The following RUNDC1 variants were observed in gnomAD, a reference collection of about 807,000 sequenced individuals.
RUNDC1 encodes the protein RUN domain-containing protein 1.
In RUNDC1, 31 loss-of-function variants were observed where a neutral mutation model predicts 49.3. That is an observed-to-expected ratio of 0.63 (90% CI 0.47 to 0.85). The LOEUF (loss-of-function observed/expected upper bound fraction) is 0.85, where lower values mean the gene tolerates loss of function less well. Among genes scored for constraint, RUNDC1 ranks in the 40% least tolerant of loss-of-function variants. The pLI, the probability that RUNDC1 is intolerant of heterozygous loss-of-function variation, is 0.00. For missense variants in RUNDC1, 715 were observed against 806.7 expected, an observed-to-expected ratio of 0.89 and a Z score of 1.38; for synonymous variants, 347 against 348.6, an observed-to-expected ratio of 1.00 and a Z score of 0.05.
In RUNDC1 at chr17:42,992,867, T is replaced by C. The variant is rs1459868535; in HGVS notation, c.*1151T>C. The C allele has an allele frequency of 1.3e-5, 2 of 152,208 alleles. No individual in the cohort carries two copies. 9.4% of individuals were successfully genotyped at this position (152,208 alleles called of 1,614,324 possible). On this transcript the variant is annotated 3_prime_UTR_variant, in exon 5 of 5. Coordinates refer to ENST00000361677, the MANE Select transcript of RUNDC1 (RefSeq NM_173079.5). ...TAAAATCTTCCTGACAAGGTAGTCC[T>C]CTTTTCATGGCACAGACAATGGGCT...
chr17:42,989,823 T>A (rs1335828898), intron 3 of RUNDC1, among the ~76,000 whole-genome samples: 1 of 151,890 alleles, frequency 6.6e-6, no homozygotes, highest in Non-Finnish European at 1.5e-5. Context: ...TTAGTAGAGA[T>A]GGTGTTTCAG....
intron 1 of RUNDC1, among the ~76,000 whole-genome samples, chr17:42,982,908 AC>A: frequency 6.6e-6 from 1 of 151,578 alleles, no homozygotes; most frequent in East Asian, 1.9e-4. Context: ...AATCGCTTGA[AC>A]CTGGGAGGCA....
At position 42,993,234 on chromosome 17, in the gene RUNDC1, A is replaced by G. The variant is rs1339335948; in HGVS notation, c.*1518A>G. The G allele has an allele frequency of 2.6e-5, 4 of 152,170 alleles. No homozygotes were observed. The highest frequency in any genetic ancestry group is 4.4e-5 in the Non-Finnish European group (3 of 68,052). The allele number at this position is 152,170 out of a possible 1,614,324, so 9.4% of individuals were successfully genotyped here. A position where few individuals can be genotyped will look rare whatever the true frequency, so the allele number is the denominator to read the frequency against. On this transcript the variant is annotated 3_prime_UTR_variant, in exon 5 of 5. Coordinates refer to ENST00000361677, the MANE Select transcript of RUNDC1 (RefSeq NM_173079.5). Reference sequence around the variant, plus strand: ...ACGGGGAGGAGTATCTCATTGTGAAACAGACTCTAGAGTGGTTCTATTTGG... The same window carrying G: ...ACGGGGAGGAGTATCTCATTGTGAAGCAGACTCTAGAGTGGTTCTATTTGG...
At chr17:42,987,043 CAGAT>C (rs2050180835) in intron 1 of RUNDC1, among the ~76,000 whole-genome samples, 1 of 152,238 alleles carries the variant, frequency 6.6e-6, no homozygotes, top group Non-Finnish European at 1.5e-5. Flanking sequence ...CAATGAGGGA[CAGAT>C]AGTTTCTTAA....
At chr17:42,985,815 C>A (rs1010715646) in intron 1 of RUNDC1, among the ~76,000 whole-genome samples, 1 of 152,074 alleles carries the variant, frequency 6.6e-6, no homozygotes, top group Non-Finnish European at 1.5e-5. Flanking sequence ...CAAGACTTTA[C>A]CACCCTGAAG....
chr17:42,986,707 T>C (rs1009823263), intron 1 of RUNDC1, among the ~76,000 whole-genome samples: 1 of 151,904 alleles, frequency 6.6e-6, no homozygotes, highest in Non-Finnish European at 1.5e-5. Context: ...TTTACTGTGT[T>C]AGCCAGGATG....
Position 42,993,781 on chromosome 17 carries a change from C to T in RUNDC1, c.*2065C>T, listed in dbSNP as rs866717888. ...CTGAAAAAATTCACTAAAAAGTCCC[C>T]TTGGCATGACCATCTCCTCCTGCCC... is the stretch of plus-strand genomic sequence containing the variant. On this transcript the variant is annotated 3_prime_UTR_variant, in exon 5 of 5. Coordinates refer to ENST00000361677, the MANE Select transcript of RUNDC1 (RefSeq NM_173079.5). 2.0e-5 allele frequency: 3 copies of T among 152,180 alleles called. No homozygotes were observed. The highest frequency in any genetic ancestry group is 7.2e-5 in the African/African-American group (3 of 41,436). 9.4% of individuals were successfully genotyped at this position (152,180 alleles called of 1,614,324 possible).
chr17:42,987,493 C>A, intron 2 of RUNDC1, 79 bp downstream of exon 2: 1 of 1,378,602 alleles, frequency 7.3e-7, no homozygotes, highest in Non-Finnish European at 1.0e-6. Flanking sequence ...CATCCTCTCT[C>A]AGCTCAGTTC....
In RUNDC1 at chr17:42,981,048, C is replaced by T. The variant is rs748202071; in HGVS notation, c.472C>T (p.Arg158Trp). 1.3e-6 allele frequency: 2 copies of T among 1,559,776 alleles called. No individual in the cohort carries two copies. Among genetic ancestry groups the T allele is most frequent in the Non-Finnish European group, 1.7e-6 (2 of 1,160,440 alleles). Residue 158 changes from arginine to tryptophan, a missense_variant, in exon 1 of 5, where the codon CGG (arginine) becomes TGG (tryptophan). Physicochemically the swap from Arg to Trp is moderately radical, Grantham distance 101. Transcript: ENST00000361677. The part of the protein sequence containing the change: ...SDEGDGLPGD[R>W]PWLRGEDQSE... ...TGAGGGCGATGGGCTGCCAGGGGACCGGCCATGGTTGCGGGGCGAGGACCA... is the reference window on the plus strand; with the variant it reads ...TGAGGGCGATGGGCTGCCAGGGGACTGGCCATGGTTGCGGGGCGAGGACCA...
At chr17:42,986,303 G>A (rs2050170803) in intron 1 of RUNDC1, among the ~76,000 whole-genome samples, 1 of 152,038 alleles carries the variant, frequency 6.6e-6, no homozygotes, top group Admixed American at 6.6e-5. Flanking sequence ...TTTTTGTGGA[G>A]ATGAAGTCTC....
Position 42,980,945 on chromosome 17 carries a change from G to C in RUNDC1, c.369G>C (p.Leu123=). 6.5e-7 allele frequency: 1 copy of C among 1,540,344 alleles called. No homozygotes were observed. The stretch of plus-strand genomic sequence containing the variant: ...CGCCGGCGGAGCAGCAGCGCCTTCT[G>C]CGGGAGCTCGAAGACTTCGCCTTCC... ...RGAPAEQQRL[L]RELEDFAFRG... The change falls in exon 1 of 5, where the codon CTG becomes CTC. Residue 123 remains leucine (L), a synonymous_variant. Transcript: ENST00000361677.
At chr17:42,990,513 T>G in intron 4 of RUNDC1, 77 bp downstream of exon 4, 1 of 1,450,232 alleles carries the variant, frequency 6.9e-7, no homozygotes, top group East Asian at 2.3e-5. Context: ...TTGGGTGTGT[T>G]GAGGAGAAGA....
intron 2 of RUNDC1, among the ~76,000 whole-genome samples, chr17:42,988,781 C>A (rs1958808847): frequency 6.6e-6 from 1 of 151,860 alleles, no homozygotes; most frequent in African/African-American, 2.4e-5. Context: ...AAGTTTGAGG[C>A]CAGCCTGAGC....
In RUNDC1 at chr17:42,991,340, T is replaced by C. The variant is rs768225556; in HGVS notation, c.1466T>C (p.Val489Ala). The change falls in exon 5 of 5, where the codon GTG becomes GCG. Residue 489 changes from valine (V) to alanine (A), a missense_variant. Around this residue, in one of 5 missense-constraint regions of RUNDC1, gnomAD observed 425 missense variants for 499.7 expected, o/e 0.85. Coordinates refer to ENST00000361677, the MANE Select transcript of RUNDC1 (RefSeq NM_173079.5). ...CATGCTAAGAACGGCCGTGCTTATG[T>C]GGAATCCCCAGCCCGGAAGCTCTCC... The part of the protein sequence containing the change: ...YYHAKNGRAY[V>A]ESPARKLSQS... 6.2e-7 allele frequency: 1 copy of C among 1,614,246 alleles called. No homozygotes were observed. The highest frequency in any genetic ancestry group is 8.5e-7 in the Non-Finnish European group (1 of 1,180,056).
At position 42,993,193 on chromosome 17, in the gene RUNDC1, G is replaced by C. The variant is rs377760386; in HGVS notation, c.*1477G>C. On this transcript the variant is annotated 3_prime_UTR_variant, in exon 5 of 5. Coordinates refer to ENST00000361677, the MANE Select transcript of RUNDC1 (RefSeq NM_173079.5). ...CCACAGGAGGATAGGAACTACAGCA[G>C]ATCGCTGTTTCCAGAACGGGGAGGA... 12 of 152,198 alleles carry C rather than the reference G, an allele frequency of 7.9e-5. No homozygotes were observed. The highest frequency in any genetic ancestry group is 2.9e-4 in the African/African-American group (12 of 41,446). 9.4% of individuals were successfully genotyped at this position (152,198 alleles called of 1,614,324 possible).
chr17:42,986,582 C>T (rs1390729356), intron 1 of RUNDC1, among the ~76,000 whole-genome samples: 1 of 151,946 alleles, frequency 6.6e-6, no homozygotes. Flanking sequence ...ACTGCAAGCT[C>T]CGCCTCCCGG....
chr17:42,989,364 G>T lies in RUNDC1; in HGVS notation c.681G>T (p.Lys227Asn), dbSNP rs1375318685. 42 of 1,613,954 alleles carry T rather than the reference G, an allele frequency of 2.6e-5. No individual in the cohort carries two copies. The highest frequency in any genetic ancestry group is 3.2e-5 in the Non-Finnish European group (38 of 1,179,992). Residue 227 changes from lysine to asparagine, a missense_variant, in exon 3 of 5, where the codon AAG becomes AAT. Coordinates refer to ENST00000361677, the MANE Select transcript of RUNDC1 (RefSeq NM_173079.5). Reference protein sequence around the residue: ...RQRVIIDELIKKLDMNLNEDI... With the variant: ...RQRVIIDELINKLDMNLNEDI... ...AGGTGATCATAGATGAGTTAATAAA[G>T]AAACTGGACATGAATCTGAATGAGG...
At chr17:42,989,318 C>G in intron 2 of RUNDC1, 23 bp from the exon 3 acceptor site, 1 of 1,594,938 alleles carries the variant, frequency 6.3e-7, no homozygotes. Flanking sequence ...AAAGGGTGTG[C>G]TCATTGCTTG....
intron 1 of RUNDC1, chr17:42,981,442 AC>A (rs550230302): frequency 1.3e-3 from 301 of 227,882 alleles, no homozygotes; most frequent in Non-Finnish European, 1.1e-3. Context: ...CTGCTAGAGG[AC>A]CCCGACTCTG....
Sources: allele counts gnomAD v4.1 joint callset (sites outside exome capture counted in the v4.1 genomes callset), GRCh38; gene constraint gnomAD v4.1.1; regional missense constraint gnomAD v4.1.1; transcripts MANE v1.5; gene names NCBI Gene and HGNC (gene_info 2026-07-23, HGNC 2026-07-21).